Variants in RERE observed in about 807,000 individuals in gnomAD.
RERE encodes arginine-glutamic acid dipeptide repeats protein.
Under a neutral mutation model 146.1 loss-of-function variants are expected in RERE, and 40 were observed. That is an observed-to-expected ratio of 0.27 (90% CI 0.21 to 0.36). The LOEUF (loss-of-function observed/expected upper bound fraction) is 0.36, where lower values mean the gene tolerates loss of function less well. RERE is among the 10% of genes least tolerant of loss of function. The pLI is 1.00. For synonymous variants in RERE, 1,003 were observed against 866.0 expected, an observed-to-expected ratio of 1.16 and a Z score of -2.78; for missense variants, 1,933 against 2,138.7, an observed-to-expected ratio of 0.90 and a Z score of 1.90.
chr1:8,757,935 T>C (rs1280584631), intron 1 of RERE, among the ~76,000 whole-genome samples: 2 of 50,818 alleles, frequency 3.9e-5, no homozygotes, highest in East Asian at 2.0e-3. Context: ...CACACATATA[T>C]ATGCAATAGG....
chr1:8,759,949 A>C (rs1300035921), intron 1 of RERE, among the ~76,000 whole-genome samples: 2 of 152,152 alleles, frequency 1.3e-5, no homozygotes, highest in Admixed American at 1.3e-4. Flanking sequence ...TGGGAAAAGG[A>C]AGATTTATCT....
intron 12 of RERE, among the ~76,000 whole-genome samples, chr1:8,421,512 G>A (rs1248045725): frequency 6.6e-6 from 1 of 152,056 alleles, no homozygotes; most frequent in East Asian, 1.9e-4. Context: ...TAGCATATGA[G>A]ATGCGTAATA....
intron 11 of RERE, chr1:8,425,646 C>A (rs1461017144): frequency 6.6e-6 from 1 of 152,266 alleles, no homozygotes; most frequent in Non-Finnish European, 1.5e-5. Flanking sequence ...ACGCCAGGAC[C>A]ATGCAATCGG....
intron 2 of RERE, among the ~76,000 whole-genome samples, chr1:8,635,178 G>GA (rs1358881286): frequency 2.6e-5 from 4 of 151,934 alleles, no homozygotes; most frequent in Non-Finnish European, 5.9e-5. Context: ...CAGGTATTTT[G>GA]AAAAAACAAT....
intron 1 of RERE, among the ~76,000 whole-genome samples, chr1:8,779,670 A>T (rs1641131082): frequency 6.6e-6 from 1 of 152,162 alleles, no homozygotes; most frequent in Non-Finnish European, 1.5e-5. Flanking sequence ...CCAAAAAAAA[A>T]AGAAAGAATG....
At chr1:8,762,106 C>A (rs1402544640) in intron 1 of RERE, among the ~76,000 whole-genome samples, 1 of 152,326 alleles carries the variant, frequency 6.6e-6, no homozygotes, top group South Asian at 2.1e-4. Flanking sequence ...AAGATTCAGA[C>A]CAAATGCCTC....
At chr1:8,635,832 CG>C (rs147450133) in intron 2 of RERE, among the ~76,000 whole-genome samples, 3,929 of 152,186 alleles carry the variant, frequency 0.026, 153 homozygotes, top group African/African-American at 0.089. Context: ...TAATGTGCCA[CG>C]TAAGTGCTGG....
chr1:8,494,521 T>C (rs1309554908), intron 10 of RERE, among the ~76,000 whole-genome samples: 11 of 151,880 alleles, frequency 7.2e-5, no homozygotes, highest in Admixed American at 3.3e-4. Context: ...GGTCAGGAGA[T>C]TGAGATCATC....
At chr1:8,815,401 T>C (rs1302658819) in intron 1 of RERE, among the ~76,000 whole-genome samples, 1 of 152,168 alleles carries the variant, frequency 6.6e-6, no homozygotes, top group Non-Finnish European at 1.5e-5. Context: ...CATTCACTAC[T>C]AAGACTCAAG....
chr1:8,528,462 A>G (rs1645597359), intron 7 of RERE, among the ~76,000 whole-genome samples: 1 of 152,218 alleles, frequency 6.6e-6, no homozygotes, highest in Non-Finnish European at 1.5e-5. Context: ...TAGTTATGTA[A>G]GATAATTTTC....
chr1:8,560,208 G>C (rs752671947), intron 4 of RERE, among the ~76,000 whole-genome samples: 15 of 152,238 alleles, frequency 9.9e-5, no homozygotes, highest in Non-Finnish European at 1.9e-4. Flanking sequence ...CTGACATTTG[G>C]GCCAGAGGAT....
chr1:8,544,721 TA>T (rs1645837859), intron 6 of RERE, among the ~76,000 whole-genome samples: 1 of 152,284 alleles, frequency 6.6e-6, no homozygotes, highest in South Asian at 2.1e-4. Context: ...AATGTACACT[TA>T]AAATCTACAT....
intron 7 of RERE, among the ~76,000 whole-genome samples, chr1:8,510,811 G>T (rs1237703369): frequency 5.3e-5 from 8 of 152,188 alleles, no homozygotes; most frequent in South Asian, 2.1e-4. Flanking sequence ...CAACCTTTGG[G>T]TTCTTCCAGA....
chr1:8,796,966 C>T (rs567488148), intron 1 of RERE, among the ~76,000 whole-genome samples: 1 of 152,192 alleles, frequency 6.6e-6, no homozygotes, highest in Non-Finnish European at 1.5e-5. Flanking sequence ...CAGACTTAGC[C>T]AGTGATAGGA....
chr1:8,488,484 G>A (rs1054186398), intron 10 of RERE, among the ~76,000 whole-genome samples: 3 of 152,108 alleles, frequency 2.0e-5, no homozygotes, highest in Admixed American at 6.6e-5. Context: ...GACCTCAGGC[G>A]ATCCGCTCAC....
intron 11 of RERE, among the ~76,000 whole-genome samples, chr1:8,436,779 T>G: frequency 6.6e-6 from 1 of 152,072 alleles, no homozygotes; most frequent in Non-Finnish European, 1.5e-5. Context: ...AATATAAAAG[T>G]TAGTAATGAA....
intron 7 of RERE, among the ~76,000 whole-genome samples, chr1:8,524,684 C>T (rs549065219): frequency 6.6e-6 from 1 of 152,242 alleles, no homozygotes; most frequent in East Asian, 1.9e-4. Context: ...AATTCAAAAA[C>T]TTCATTTAAT....
At chr1:8,783,264 G>C (rs1483899213) in intron 1 of RERE, among the ~76,000 whole-genome samples, 1 of 152,166 alleles carries the variant, frequency 6.6e-6, no homozygotes, top group Non-Finnish European at 1.5e-5. Flanking sequence ...GAGCCAGGGA[G>C]GTCAAGGCTG....
At chr1:8,492,969 G>A (rs1201262760) in intron 10 of RERE, among the ~76,000 whole-genome samples, 2 of 152,292 alleles carry the variant, frequency 1.3e-5, no homozygotes, top group South Asian at 2.1e-4. Context: ...AGCTACTCAG[G>A]AAGCTGAAGT....
Sources: allele counts gnomAD v4.1 joint callset (sites outside exome capture counted in the v4.1 genomes callset), GRCh38; gene constraint gnomAD v4.1.1; transcripts MANE v1.5; gene names NCBI Gene and HGNC (gene_info 2026-07-23, HGNC 2026-07-21).